The following CYP4V2 variants were observed in gnomAD, a reference collection of about 807,000 sequenced individuals.
CYP4V2 encodes cytochrome P450 family 4 subfamily V member 2, also known as cytochrome P450 4V2.
CYP4V2 carries 55 observed loss-of-function variants against 60.8 expected under a neutral mutation model. The observed-to-expected ratio is 0.90, with a 90% CI of 0.73 to 1.13. The LOEUF is 1.13. CYP4V2 is among the 50% of genes most tolerant of loss of function. The probability of loss-of-function intolerance (pLI) is 0.00; values close to 1 mark genes in which losing one functional copy is unlikely to be tolerated. For synonymous variants in CYP4V2, 239 were observed against 236.8 expected (o/e 1.01, Z -0.08); for missense variants, 675 against 662.9 (o/e 1.02, Z -0.20).
chr4:186,197,562 CAAAGT>C lies in CYP4V2; in HGVS notation c.637_641del (p.Ser213Ter), dbSNP rs1736188488. The C allele has an allele frequency of 1.9e-6, 3 of 1,614,182 alleles. No individual in the cohort carries two copies. Among genetic ancestry groups the C allele is most frequent in the Non-Finnish European group, 2.5e-6 (3 of 1,180,030 alleles). ...AGCTATGGGGAAGAATATTGGTGCT[CAAAGT>C]AATGATGATTCCGAGTATGTCCGTG... On this transcript the variant is annotated frameshift_variant, in exon 5 of 11. Transcript: ENST00000378802. LOFTEE classifies it high-confidence loss of function.
intron 8 of CYP4V2, among the ~76,000 whole-genome samples, chr4:186,207,856 A>G (rs1342637100): frequency 1.3e-5 from 2 of 152,160 alleles, no homozygotes; most frequent in African/African-American, 4.8e-5. Context: ...GGATTTACCT[A>G]TTCCGAGTAC....
Position 186,205,294 on chromosome 4 carries a change from A to T in CYP4V2, c.1082A>T (p.Asp361Val), listed in dbSNP as rs1346656401. ...VQKKVDHELD[D>V]VFGKSDRPAT... ...AAAAAAGTGGATCATGAATTGGATGACGTGTTTGGTATGTTTGGCCCCTTC... is the reference window on the plus strand; with the variant it reads ...AAAAAAGTGGATCATGAATTGGATGTCGTGTTTGGTATGTTTGGCCCCTTC... Residue 361 changes from aspartate (D) to valine (V), a missense_variant, in exon 8 of 11, where the codon GAC (aspartate) becomes GTC (valine). Physicochemically the swap from Asp to Val is radical, Grantham distance 152. Coordinates refer to ENST00000378802, the MANE Select transcript of CYP4V2 (RefSeq NM_207352.4). The T allele has an allele frequency of 3.1e-6, 5 of 1,614,044 alleles. No individual in the cohort carries two copies. Among genetic ancestry groups the T allele is most frequent in the Non-Finnish European group, 4.2e-6 (5 of 1,180,008 alleles).
At chr4:186,202,879 C>T (rs567605956) in intron 7 of CYP4V2, 1 of 149,112 alleles carries the variant, frequency 6.7e-6, no homozygotes, top group South Asian at 2.1e-4. Context: ...CCCACATGCA[C>T]ACATGCATGC....
rs758769153 is a variant in CYP4V2 at position 186,196,980 on chromosome 4, C to G, written c.454C>G (p.Pro152Ala). The G allele has an allele frequency of 1.2e-5, 20 of 1,613,452 alleles. No individual in the cohort carries two copies. Among genetic ancestry groups the G allele is most frequent in the Non-Finnish European group, 1.7e-5 (20 of 1,179,964 alleles). ...KWRSRRKMLT[P>A]TFHFTILEDF... ...GCGCTCCAGGAGAAAGATGTTAACA[C>G]CCACTTTCCATTTTACCATTCTGGA... is the stretch of plus-strand genomic sequence containing the variant. The change falls in exon 4 of 11, where the codon CCC (proline) becomes GCC (alanine). Residue 152 changes from proline (P) to alanine (A), a missense_variant. Pro to Ala is a conservative substitution (Grantham distance 27). Transcript: ENST00000378802.
Position 186,195,988 on chromosome 4 carries a change from T to G in CYP4V2, c.328-15T>G, listed in dbSNP as rs1240990564. On this transcript the variant is annotated splice_polypyrimidine_tract_variant and intron_variant, in intron 2 of 10. Coordinates refer to ENST00000378802, the MANE Select transcript of CYP4V2 (RefSeq NM_207352.4). This position sits in a 1 kb window ranked among gnomAD's most constrained non-coding sequence, Gnocchi z 4.1. ...ATGTCTGTATGTCTCTAAAGTATGT[T>G]TTTCTCTTCCTAAGGTAATTTTAAC... The G allele has an allele frequency of 6.3e-7, 1 of 1,583,638 alleles. No individual in the cohort carries two copies. The highest frequency in any genetic ancestry group is 1.1e-5 in the South Asian group (1 of 90,306).
Position 186,211,309 on chromosome 4 carries a change from C to G in CYP4V2, c.*668C>G, listed in dbSNP as rs1393099151. 2 of 152,032 alleles carry G rather than the reference C, an allele frequency of 1.3e-5. No homozygotes were observed. Among genetic ancestry groups the G allele is most frequent in the African/African-American group, 2.4e-5 (1 of 41,352 alleles). The allele number at this position is 152,032 out of a possible 1,614,324, so 9.4% of individuals were successfully genotyped here. A position where few individuals can be genotyped will look rare whatever the true frequency, so the allele number is the denominator to read the frequency against. ...CAAAAAATATAATTTAATCAAAGTT[C>G]TAGAGTTTTTGTTTGTTTGTTTGAG... On this transcript the variant is annotated 3_prime_UTR_variant, in exon 11 of 11. Coordinates refer to ENST00000378802, the MANE Select transcript of CYP4V2 (RefSeq NM_207352.4).
chr4:186,196,150 TA>T (rs2126583991), intron 3 of CYP4V2, 62 bp downstream of exon 3: 4 of 1,375,836 alleles, frequency 2.9e-6, no homozygotes, highest in Non-Finnish European at 4.1e-6. Flanking sequence ...TGCAACTTGT[TA>T]TTTCAAGAAT....
chr4:186,206,590 G>A (rs1158897510), intron 8 of CYP4V2, among the ~76,000 whole-genome samples: 1 of 152,184 alleles, frequency 6.6e-6, no homozygotes, highest in Non-Finnish European at 1.5e-5. Context: ...AAGGAATAAA[G>A]CTGGAGAGAG....
chr4:186,210,741 C>T lies in CYP4V2; in HGVS notation c.*100C>T. On this transcript the variant is annotated 3_prime_UTR_variant, in exon 11 of 11. Coordinates refer to ENST00000378802, the MANE Select transcript of CYP4V2 (RefSeq NM_207352.4). ...GATCATGAGTTCAATATGCTTGAATCCCCTAGACCTAATTTTTCCTTGATC... is the reference window on the plus strand; with the variant it reads ...GATCATGAGTTCAATATGCTTGAATTCCCTAGACCTAATTTTTCCTTGATC... 6 of 1,429,738 alleles carry T rather than the reference C, an allele frequency of 4.2e-6. No homozygotes were observed. The highest frequency in any genetic ancestry group is 5.8e-6 in the Non-Finnish European group (6 of 1,037,020). The allele number at this position is 1,429,738 out of a possible 1,614,324, so 88.6% of individuals were successfully genotyped here.
Position 186,191,710 on chromosome 4 carries a change from A to G in CYP4V2, c.-114A>G, listed in dbSNP as rs1019855613. 11 of 1,014,814 alleles carry G rather than the reference A, an allele frequency of 1.1e-5. No homozygotes were observed. The African/African-American group carries it at 1.9e-4, about 17-fold the overall frequency. 62.9% of individuals were successfully genotyped at this position (1,014,814 alleles called of 1,614,324 possible). ...GGGACCGGGCGACCCCGCAGCGGGG[A>G]GCGCGCCAGGTCCGCGCGGGGAAGT... On this transcript the variant is annotated 5_prime_UTR_variant, in exon 1 of 11. Coordinates refer to ENST00000378802, the MANE Select transcript of CYP4V2 (RefSeq NM_207352.4).
At position 186,210,646 on chromosome 4, in the gene CYP4V2, A is replaced by G. The variant is rs1027631785; in HGVS notation, c.*5A>G. 6.2e-7 allele frequency: 1 copy of G among 1,613,850 alleles called. No individual in the cohort carries two copies. Among genetic ancestry groups the G allele is most frequent in the Non-Finnish European group, 8.5e-7 (1 of 1,179,984 alleles). On this transcript the variant is annotated 3_prime_UTR_variant, in exon 11 of 11. Transcript: ENST00000378802. ...AGAAATGCAGATGAACGCTAACTAT[A>G]TTATTGGGTTGTGCCTTTATCATGA... is the stretch of plus-strand genomic sequence containing the variant.
rs893144016 is a variant in CYP4V2 at position 186,210,729 on chromosome 4, A to G, written c.*88A>G. ...TTACAATTTACAGATCATGAGTTCA[A>G]TATGCTTGAATCCCCTAGACCTAAT... is the stretch of plus-strand genomic sequence containing the variant. On this transcript the variant is annotated 3_prime_UTR_variant, in exon 11 of 11. Transcript: ENST00000378802. The G allele has an allele frequency of 7.3e-6, 11 of 1,508,256 alleles. No individual in the cohort carries two copies. The highest frequency in any genetic ancestry group is 1.4e-5 in the African/African-American group (1 of 72,330). The allele number at this position is 1,508,256 out of a possible 1,614,324, so 93.4% of individuals were successfully genotyped here. A position where few individuals can be genotyped will look rare whatever the true frequency, so the allele number is the denominator to read the frequency against.
At chr4:186,197,341 G>C (rs917679602) in intron 4 of CYP4V2, 192 bp from the exon 5 acceptor site, 1 of 838,406 alleles carries the variant, frequency 1.2e-6, no homozygotes, top group Non-Finnish European at 1.9e-6. Flanking sequence ...CCAGGGAGGC[G>C]AAGGGAAGGA....
chr4:186,205,444 C>T, intron 8 of CYP4V2, 142 bp downstream of exon 8: 1 of 846,688 alleles, frequency 1.2e-6, no homozygotes, highest in Non-Finnish European at 2.0e-6. Context: ...AGGCCTCGTC[C>T]ATTCACTCAC....
rs867913747 is a variant in CYP4V2 at position 186,195,284 on chromosome 4, C to T, written c.327+672C>T. ...AATTATGGTGAAAATGTTGGAGTTT[C>T]TCTTGCTTCTCCAGAATCCTGGCTC... On this transcript the variant is annotated intron_variant, in intron 2 of 10. Transcript: ENST00000378802. The surrounding 1 kb of genome is among the most constrained non-coding windows in gnomAD (Gnocchi z 4.1). Among the ~76,000 whole-genome samples, 39 of 152,308 alleles carry T rather than the reference C, an allele frequency of 2.6e-4. No individual in the cohort carries two copies. Among genetic ancestry groups the T allele is most frequent in the African/African-American group, 9.4e-4 (39 of 41,568 alleles).
At position 186,195,868 on chromosome 4, in the gene CYP4V2, C is replaced by A; in HGVS notation, c.328-135C>A. ...AACTGAATGTCTTTGAGGCACAGGA[C>A]TGAAAATGAACGACGGAGAAAATAA... On this transcript the variant is annotated intron_variant, in intron 2 of 10. Coordinates refer to ENST00000378802, the MANE Select transcript of CYP4V2 (RefSeq NM_207352.4). This position sits in a 1 kb window ranked among gnomAD's most constrained non-coding sequence, Gnocchi z 4.1. The A allele has an allele frequency of 1.4e-6, 1 of 699,680 alleles. No individual in the cohort carries two copies. The allele number at this position is 699,680 out of a possible 1,614,324, so 43.3% of individuals were successfully genotyped here. A position where few individuals can be genotyped will look rare whatever the true frequency, so the allele number is the denominator to read the frequency against.
chr4:186,199,374 A>C (rs1736242828), intron 6 of CYP4V2, among the ~76,000 whole-genome samples: 1 of 152,256 alleles, frequency 6.6e-6, no homozygotes, highest in Admixed American at 6.5e-5. Context: ...TACTTCAATT[A>C]TGTAGTCAAC....
intron 7 of CYP4V2, chr4:186,202,711 C>A (rs1236655467): frequency 1.3e-5 from 2 of 152,204 alleles, no homozygotes; most frequent in Non-Finnish European, 2.9e-5. Flanking sequence ...CATATACACA[C>A]ATACACAAAC....
intron 7 of CYP4V2, chr4:186,204,543 G>A (rs1031111448): frequency 1.1e-5 from 2 of 183,276 alleles, no homozygotes; most frequent in Non-Finnish European, 2.4e-5. Flanking sequence ...CGGACACGCC[G>A]CAGGCTCAGT....
Sources: gnomAD v4.1 joint callset for allele counts (sites outside exome capture counted in the v4.1 genomes callset) on GRCh38, gnomAD v4.1.1 for gene constraint, Gnocchi (gnomAD v3.1) non-coding constraint, MANE v1.5 for transcripts, NCBI Gene and HGNC (gene_info 2026-07-23, HGNC 2026-07-21) for gene names.